NRG3: variants seen among roughly 807,000 people sequenced by gnomAD.
The protein encoded by NRG3 is neuregulin 3, also known as pro-neuregulin-3, membrane-bound isoform.
Under a neutral mutation model 66.9 loss-of-function variants are expected in NRG3, and 31 were observed. The ratio of observed to expected loss-of-function variants is 0.46; its 90% CI spans 0.35 to 0.63. The LOEUF is 0.63. NRG3 is among the 20% of genes least tolerant of loss of function. The pLI is 0.00. For synonymous variants in NRG3, 393 were observed against 359.4 expected, an observed-to-expected ratio of 1.09 and a Z score of -1.06; for missense variants, 910 against 878.9, an observed-to-expected ratio of 1.04 and a Z score of -0.45.
At chr10:82,697,446 T>A (rs1194715142) in intron 2 of NRG3, among the ~76,000 whole-genome samples, 1 of 152,222 alleles carries the variant, frequency 6.6e-6, no homozygotes, top group Non-Finnish European at 1.5e-5. Context: ...CATCTTGTGA[T>A]GATCCCAAGA....
At chr10:82,502,473 G>A (rs1383222545) in intron 2 of NRG3, among the ~76,000 whole-genome samples, 2 of 152,178 alleles carry the variant, frequency 1.3e-5, no homozygotes, top group Non-Finnish European at 2.9e-5. Flanking sequence ...CCAGTGCTAA[G>A]CACCTAAATA....
rs77013210 is a variant in NRG3 at position 82,145,698 on chromosome 10, T to C, written c.824-213041T>C. Among the ~76,000 whole-genome samples, 405 of 152,328 alleles carry C rather than the reference T, an allele frequency of 2.7e-3. 2 individuals are homozygous for C. Among genetic ancestry groups the C allele is most frequent in the African/African-American group, 9.1e-3 (380 of 41,566 alleles). On this transcript the variant is annotated intron_variant, in intron 1 of 8. Coordinates refer to ENST00000372141, the MANE Select transcript of NRG3 (RefSeq NM_001010848.4). ...ACTGCTCTGGTACAATAACCAACTG[T>C]AGCTGAAATAATTTGGCATGTTCAG...
At chr10:82,471,760 G>T (rs1841288269) in intron 2 of NRG3, among the ~76,000 whole-genome samples, 1 of 151,906 alleles carries the variant, frequency 6.6e-6, no homozygotes, top group South Asian at 2.1e-4. Flanking sequence ...AATGTGGCAG[G>T]CACCTATAAT....
At chr10:82,487,874 A>G (rs1246445914) in intron 2 of NRG3, among the ~76,000 whole-genome samples, 1 of 152,186 alleles carries the variant, frequency 6.6e-6, no homozygotes, top group African/African-American at 2.4e-5. Context: ...GTTGTAGTCA[A>G]TATATTGATT....
intron 2 of NRG3, among the ~76,000 whole-genome samples, chr10:82,672,750 G>T (rs753886662): frequency 6.6e-6 from 1 of 152,118 alleles, no homozygotes; most frequent in Non-Finnish European, 1.5e-5. Flanking sequence ...TTTTTTGTTC[G>T]TTGGTTTGTT....
At chr10:82,284,698 A>G (rs2079315786) in intron 1 of NRG3, among the ~76,000 whole-genome samples, 1 of 152,306 alleles carries the variant, frequency 6.6e-6, no homozygotes, top group Non-Finnish European at 1.5e-5. Context: ...AGCACACCTA[A>G]TACAAATGGC....
chr10:82,512,255 A>T (rs1047238309), intron 2 of NRG3, among the ~76,000 whole-genome samples: 1 of 151,350 alleles, frequency 6.6e-6, no homozygotes, highest in Non-Finnish European at 1.5e-5. Flanking sequence ...TACACATTCC[A>T]TACACGTATA....
At position 82,985,663 on chromosome 10, in the gene NRG3, C is replaced by A; in HGVS notation, c.*58C>A. 1.3e-6 allele frequency: 2 copies of A among 1,525,276 alleles called. No homozygotes were observed. Among genetic ancestry groups the A allele is most frequent in the South Asian group, 1.3e-5 (1 of 79,700 alleles). 94.5% of individuals were successfully genotyped at this position (1,525,276 alleles called of 1,614,324 possible). Reference sequence around the variant, plus strand: ...TTGCTCAACAGGAAAGAGAGGAAATCAAATACAAATTATTTATATGCATTA... The same window carrying A: ...TTGCTCAACAGGAAAGAGAGGAAATAAAATACAAATTATTTATATGCATTA... On this transcript the variant is annotated 3_prime_UTR_variant, in exon 9 of 9. Coordinates refer to ENST00000372141, the MANE Select transcript of NRG3 (RefSeq NM_001010848.4).
At chr10:82,790,973 A>G (rs1167559893) in intron 3 of NRG3, among the ~76,000 whole-genome samples, 1 of 151,698 alleles carries the variant, frequency 6.6e-6, no homozygotes, top group Admixed American at 6.6e-5. Context: ...TTAAGGTATT[A>G]TTCTCATATT....
intron 2 of NRG3, among the ~76,000 whole-genome samples, chr10:82,505,182 G>C (rs540809910): frequency 6.6e-6 from 1 of 152,314 alleles, no homozygotes; most frequent in South Asian, 2.1e-4. Flanking sequence ...GAAATGCAAA[G>C]TATTTAACTG....
At position 82,768,971 on chromosome 10, in the gene NRG3, C is replaced by T. The variant is rs150664910; in HGVS notation, c.1027+30321C>T. ...CTTTCTATGTATTTAAGATTCTATA[C>T]GCTTTAAGAAGCAATTACTAATAAA... On this transcript the variant is annotated intron_variant, in intron 3 of 8. Coordinates refer to ENST00000372141, the MANE Select transcript of NRG3 (RefSeq NM_001010848.4). Among the ~76,000 whole-genome samples, 186 of 152,154 alleles carry T rather than the reference C, an allele frequency of 1.2e-3. 5 individuals carry two copies. The East Asian group carries it at 0.023, about 18-fold the overall frequency.
intron 3 of NRG3, among the ~76,000 whole-genome samples, chr10:82,744,101 C>G (rs1388974346): frequency 6.6e-6 from 1 of 152,142 alleles, no homozygotes; most frequent in East Asian, 1.9e-4. Flanking sequence ...GCAGAGCAGG[C>G]TGTCTTGCAA....
chr10:82,645,742 C>T (rs979793765), intron 2 of NRG3, among the ~76,000 whole-genome samples: 1 of 152,170 alleles, frequency 6.6e-6, no homozygotes, highest in Non-Finnish European at 1.5e-5. Context: ...CTTGCAGCCC[C>T]TATGGTTATA....
chr10:82,644,898 A>G (rs2050832739), intron 2 of NRG3, among the ~76,000 whole-genome samples: 1 of 152,130 alleles, frequency 6.6e-6, no homozygotes, highest in African/African-American at 2.4e-5. Flanking sequence ...TCAACTATTG[A>G]AGTTTAAGTG....
chr10:82,599,420 T>C (rs892603736), intron 2 of NRG3, among the ~76,000 whole-genome samples: 2 of 152,076 alleles, frequency 1.3e-5, no homozygotes, highest in Non-Finnish European at 2.9e-5. Flanking sequence ...AGTGATGGAA[T>C]TGTCATCTCA....
chr10:82,382,438 G>A (rs755003344), intron 2 of NRG3, among the ~76,000 whole-genome samples: 3 of 151,772 alleles, frequency 2.0e-5, no homozygotes, highest in Non-Finnish European at 4.4e-5. Context: ...ACAAATTTGT[G>A]TTTTATAATG....
At chr10:82,062,148 G>A (rs2064188804) in intron 1 of NRG3, among the ~76,000 whole-genome samples, 2 of 152,114 alleles carry the variant, frequency 1.3e-5, no homozygotes, top group South Asian at 4.1e-4. Flanking sequence ...GGGAAACAAA[G>A]CCCTGCTTGT....
intron 1 of NRG3, among the ~76,000 whole-genome samples, chr10:82,102,878 C>A (rs1246769530): frequency 1.6e-4 from 25 of 151,892 alleles, no homozygotes; most frequent in Admixed American, 1.6e-3. Context: ...CACACTAATG[C>A]ACATTAAAAT....
At chr10:81,883,680 A>C (rs536177194) in intron 1 of NRG3, among the ~76,000 whole-genome samples, 1 of 152,304 alleles carries the variant, frequency 6.6e-6, no homozygotes, top group South Asian at 2.1e-4. Flanking sequence ...GTTTGATAAG[A>C]ATTCTTAAAT....
Sources: allele counts gnomAD v4.1 joint callset (sites outside exome capture counted in the v4.1 genomes callset), GRCh38; gene constraint gnomAD v4.1.1; transcripts MANE v1.5; gene names NCBI Gene and HGNC (gene_info 2026-07-23, HGNC 2026-07-21).